SPATA6L: variants seen among roughly 807,000 people sequenced by gnomAD.
The protein encoded by SPATA6L is spermatogenesis associated 6-like protein.
SPATA6L carries 68 observed loss-of-function variants against 49.2 expected under a neutral mutation model. The ratio of observed to expected loss-of-function variants is 1.38; its 90% CI spans 1.14 to 1.69. The LOEUF (loss-of-function observed/expected upper bound fraction) is 1.69. Among genes scored for constraint, SPATA6L ranks in the 40% most tolerant of loss-of-function variants. The pLI, the probability that SPATA6L is intolerant of heterozygous loss-of-function variation, is 0.00. For missense variants in SPATA6L, 668 were observed against 464.3 expected, an observed-to-expected ratio of 1.44 and a Z score of -4.03; for synonymous variants, 198 against 165.7, an observed-to-expected ratio of 1.19 and a Z score of -1.50.
At chr9:4,655,814 G>C (rs1409636030) in intron 3 of SPATA6L, among the ~76,000 whole-genome samples, 1 of 152,102 alleles carries the variant, frequency 6.6e-6, no homozygotes, top group African/African-American at 2.4e-5. Context: ...GCCTCCCAAA[G>C]TGCTGGGATT....
At chr9:4,655,467 A>G (rs979674724) in intron 3 of SPATA6L, among the ~76,000 whole-genome samples, 9 of 152,246 alleles carry the variant, frequency 5.9e-5, no homozygotes, top group African/African-American at 2.2e-4. Context: ...AATGAAACAC[A>G]TAAAAACAAT....
chr9:4,660,481 G>A (rs1563732914), intron 2 of SPATA6L, among the ~76,000 whole-genome samples: 2 of 152,180 alleles, frequency 1.3e-5, no homozygotes, highest in South Asian at 4.1e-4. Context: ...ACCACAATGA[G>A]ATACCATCTC....
chr9:4,634,196 G>C (rs766280832), intron 4 of SPATA6L, among the ~76,000 whole-genome samples: 4 of 152,152 alleles, frequency 2.6e-5, no homozygotes, highest in Non-Finnish European at 4.4e-5. Context: ...TAATATAACA[G>C]AGTATCCCCT....
At chr9:4,615,275 T>A (rs1411151010) in intron 9 of SPATA6L, among the ~76,000 whole-genome samples, 4 of 152,034 alleles carry the variant, frequency 2.6e-5, no homozygotes, top group Non-Finnish European at 5.9e-5. Context: ...TTTTTTATTA[T>A]TTTTTTTATA....
Position 4,599,791 on chromosome 9 carries a change from A to T in SPATA6L, c.*1020T>A, listed in dbSNP as rs34707722. The stretch of plus-strand genomic sequence containing the variant: ...ACCTCCCAAAAGGCCCCATTTCCTT[A>T]GAGGTTAGGATTTCAACATACAAAT... On this transcript the variant is annotated 3_prime_UTR_variant, in exon 12 of 12. Transcript: ENST00000682582. 0.019 allele frequency among the ~76,000 whole-genome samples: 2,850 copies of T among 152,304 alleles called. 48 individuals are homozygous for T. The highest frequency in any genetic ancestry group is 0.03 in the Non-Finnish European group (2,044 of 68,014).
At position 4,622,497 on chromosome 9, in the gene SPATA6L, T is replaced by G; in HGVS notation, c.683A>C (p.Lys228Thr). 1 of 1,611,938 alleles carries G rather than the reference T, an allele frequency of 6.2e-7. No homozygotes were observed. The highest frequency in any genetic ancestry group is 1.3e-5 in the African/African-American group (1 of 74,992). ...CTCTGAAATATTCTCACCAAAGGGC[T>G]TTGCACTGTCCACCTGAAAGTAAAG... Reference protein sequence around the residue: ...PFVVRHVDSAKPFGENISEHH... With the variant: ...PFVVRHVDSATPFGENISEHH... The change falls in exon 7 of 12, where the codon AAG (lysine) becomes ACG (threonine). Residue 228 changes from lysine to threonine, a missense_variant. Coordinates refer to ENST00000682582, the MANE Select transcript of SPATA6L (RefSeq NM_001353486.2).
At chr9:4,594,458 T>C (rs193157819), downstream of SPATA6L, among the ~76,000 whole-genome samples, 2,209 of 152,290 alleles carry the variant, frequency 0.015, 42 homozygotes, top group African/African-American at 0.049. Context: ...ATGATCTGCC[T>C]GCCTCAGCCT....
rs1446470335 is a variant in SPATA6L at position 4,662,401 on chromosome 9, A to T, written c.40-365T>A. ...ATGCCAAGTCCCCGGAGGAGCATGG[A>T]GGGACGGCCGCTGGGCGTCTCCGCT... On this transcript the variant is annotated intron_variant, in intron 1 of 11. Coordinates refer to ENST00000682582, the MANE Select transcript of SPATA6L (RefSeq NM_001353486.2). This position sits in a 1 kb window ranked among gnomAD's most constrained non-coding sequence, Gnocchi z 4.9. 5 of 1,535,190 alleles carry T rather than the reference A, an allele frequency of 3.3e-6. No homozygotes were observed. The African/African-American group carries it at 6.9e-5, about 21-fold the overall frequency.
Position 4,598,841 on chromosome 9 carries a change from G to C in SPATA6L, c.*1970C>G, listed in dbSNP as rs963849608. 6.6e-6 allele frequency among the ~76,000 whole-genome samples: 1 copy of C among 152,208 alleles called. No homozygotes were observed. Among genetic ancestry groups the C allele is most frequent in the African/African-American group, 2.4e-5 (1 of 41,444 alleles). The stretch of plus-strand genomic sequence containing the variant: ...ACAAATTGACAACCATAGTTTCAGA[G>C]AGACTGAGAACATATTAGCATATGT... On this transcript the variant is annotated 3_prime_UTR_variant, in exon 12 of 12. Transcript: ENST00000682582.
At chr9:4,660,765 A>G (rs1365092362) in intron 2 of SPATA6L, among the ~76,000 whole-genome samples, 1 of 152,238 alleles carries the variant, frequency 6.6e-6, no homozygotes, top group Non-Finnish European at 1.5e-5. Context: ...ACAATAGCAA[A>G]GACTTGGAAC....
chr9:4,650,893 G>C (rs546340816), intron 3 of SPATA6L, among the ~76,000 whole-genome samples: 1 of 149,322 alleles, frequency 6.7e-6, no homozygotes, highest in African/African-American at 2.5e-5. Context: ...ATAGAGACAC[G>C]GTTTCACCAT....
chr9:4,662,066 G>A lies in SPATA6L; in HGVS notation c.40-30C>T. On this transcript the variant is annotated intron_variant, in intron 1 of 11. Coordinates refer to ENST00000682582, the MANE Select transcript of SPATA6L (RefSeq NM_001353486.2). This position sits in a 1 kb window ranked among gnomAD's most constrained non-coding sequence, Gnocchi z 4.9. The stretch of plus-strand genomic sequence containing the variant: ...AAAAGAAAGAAAACAACAAACAAGG[G>A]AGAGAAAACAGACTTTGCTTTGTTT... 2 of 1,610,078 alleles carry A rather than the reference G, an allele frequency of 1.2e-6. No homozygotes were observed. The highest frequency in any genetic ancestry group is 1.3e-5 in the African/African-American group (1 of 74,766).
At chr9:4,589,628 G>A (rs1035213396) in intron 13 of SPATA6L, among the ~76,000 whole-genome samples, 1 of 152,228 alleles carries the variant, frequency 6.6e-6, no homozygotes, top group Non-Finnish European at 1.5e-5. Context: ...CTGAAACACA[G>A]AGAGGGGTTT....
chr9:4,605,004 G>C (rs1824380100), intron 10 of SPATA6L, among the ~76,000 whole-genome samples: 2 of 152,168 alleles, frequency 1.3e-5, no homozygotes, highest in South Asian at 2.1e-4. Flanking sequence ...GGATTCATGT[G>C]TGCAGGGGAA....
intron 1 of SPATA6L, chr9:4,664,464 T>C (rs960081320): frequency 2.4e-5 from 4 of 167,056 alleles, no homozygotes; most frequent in Non-Finnish European, 5.9e-5. Context: ...AACTCCAAAA[T>C]TTCTGTTTAC....
In SPATA6L at chr9:4,644,800, G is replaced by T. The variant is rs370529900; in HGVS notation, c.227-9401C>A. ...TTATGAGAATTGGTGCCACTGGGTG[G>T]CAGGTCCTAACCTCTCTCACCAGCT... On this transcript the variant is annotated intron_variant, in intron 3 of 11. Coordinates refer to ENST00000682582, the MANE Select transcript of SPATA6L (RefSeq NM_001353486.2). 9.5e-4 allele frequency among the ~76,000 whole-genome samples: 145 copies of T among 152,060 alleles called. 2 individuals are homozygous for T. In the South Asian group the frequency reaches 0.029, roughly 31 times the overall value.
chr9:4,619,682 T>C lies in SPATA6L; in HGVS notation c.773-784A>G, dbSNP rs978998412. Among the ~76,000 whole-genome samples the C allele has an allele frequency of 4.6e-5, 7 of 152,278 alleles. 1 individual carries two copies. The highest frequency in any genetic ancestry group is 3.9e-4 in the Admixed American group (6 of 15,292). Reference sequence around the variant, plus strand: ...TTTATGCAGGAGCTCTTGAATATATTTGTCCAAGGTAGACACAAATGTTAA... The same window carrying C: ...TTTATGCAGGAGCTCTTGAATATATCTGTCCAAGGTAGACACAAATGTTAA... On this transcript the variant is annotated intron_variant, in intron 7 of 11. Transcript: ENST00000682582.
intron 9 of SPATA6L, among the ~76,000 whole-genome samples, chr9:4,615,619 C>T (rs1827798823): frequency 6.6e-6 from 1 of 152,214 alleles, no homozygotes; most frequent in Non-Finnish European, 1.5e-5. Flanking sequence ...CTGATTTCCT[C>T]TCACTCTGTC....
rs954375658 is a variant in SPATA6L, at chr9:4,592,073, G to C, written c.*255-3112C>G. ...CTCACAGCTATAATCCCAGCACTTTGGGAGGCCGAGGCGGGTGGATCATCT... is the reference window on the plus strand; with the variant it reads ...CTCACAGCTATAATCCCAGCACTTTCGGAGGCCGAGGCGGGTGGATCATCT... On this transcript the variant is annotated intron_variant and NMD_transcript_variant, in intron 13 of 13. Transcript: ENST00000461761. Among the ~76,000 whole-genome samples the C allele has an allele frequency of 1.8e-4, 27 of 152,186 alleles. 1 individual carries two copies. The highest frequency in any genetic ancestry group is 1.8e-3 in the Admixed American group (27 of 15,282).
Sources: allele counts gnomAD v4.1 joint callset (sites outside exome capture counted in the v4.1 genomes callset), GRCh38; gene constraint gnomAD v4.1.1; non-coding constraint Gnocchi (gnomAD v3.1); transcripts MANE v1.5; gene names NCBI Gene and HGNC (gene_info 2026-07-23, HGNC 2026-07-21).